The following SS18 variants were observed in gnomAD, a reference collection of about 807,000 sequenced individuals.
The protein encoded by SS18 is protein SSXT.
Under a neutral mutation model 72.5 loss-of-function variants are expected in SS18, and 28 were observed. The observed-to-expected ratio is 0.39, with a 90% CI of 0.29 to 0.53. The LOEUF (loss-of-function observed/expected upper bound fraction) is 0.53, where lower values mean the gene tolerates loss of function less well. SS18 is among the 20% of genes least tolerant of loss of function. SS18 has a pLI of 0.76. For missense variants in SS18, 518 were observed against 535.3 expected, an observed-to-expected ratio of 0.97 and a Z score of 0.32; for synonymous variants, 172 against 164.2, an observed-to-expected ratio of 1.05 and a Z score of -0.37.
At position 26,020,001 on chromosome 18, in the gene SS18, G is replaced by A. The variant is rs1413641785; in HGVS notation, c.1231-1621C>T. The stretch of plus-strand genomic sequence containing the variant: ...ATTGGCAAAATGTTGATAAACTGAT[G>A]AAGTTGGGTGATGGGTACACAGGGG... On this transcript the variant is annotated intron_variant, in intron 10 of 10. Transcript: ENST00000415083. Among the ~76,000 whole-genome samples, 16 of 152,054 alleles carry A rather than the reference G, an allele frequency of 1.1e-4. No individual in the cohort carries two copies. The East Asian group carries it at 3.1e-3, about 29-fold the overall frequency.
At chr18:26,047,259 C>CAAAAAAAAAAAAAA (rs71169806) in intron 5 of SS18, among the ~76,000 whole-genome samples, 62 of 75,520 alleles carry the variant, frequency 8.2e-4, no homozygotes, top group Non-Finnish European at 1.2e-3. Flanking sequence ...AGTAATATGC[C>CAAAAAAAAAAAAAA]AAAAAAAAAA....
At chr18:26,083,886 T>C (rs1268765224) in intron 2 of SS18, among the ~76,000 whole-genome samples, 1 of 152,084 alleles carries the variant, frequency 6.6e-6, no homozygotes, top group African/African-American at 2.4e-5. Context: ...CTCAAATATA[T>C]GCACAAGATT....
At chr18:26,052,308 C>A (rs578262644) in intron 5 of SS18, among the ~76,000 whole-genome samples, 1 of 152,152 alleles carries the variant, frequency 6.6e-6, no homozygotes, top group Non-Finnish European at 1.5e-5. Flanking sequence ...AATGAAGGAG[C>A]AGGTGTTTAT....
intron 10 of SS18, among the ~76,000 whole-genome samples, chr18:26,027,671 T>TAGAA (rs2053471819): frequency 3.7e-5 from 1 of 27,292 alleles, no homozygotes; most frequent in Non-Finnish European, 7.9e-5. Context: ...GAGACTCATC[T>TAGAA]AAAAAAAAAA....
At chr18:26,058,186 T>C (rs1385723983) in intron 3 of SS18, among the ~76,000 whole-genome samples, 1 of 152,192 alleles carries the variant, frequency 6.6e-6, no homozygotes, top group Non-Finnish European at 1.5e-5. Flanking sequence ...GGGTGGAGGA[T>C]AGTGGCAGCA....
rs1045887085 is a variant in SS18 at position 26,083,616 on chromosome 18, T to C, written c.146+3885A>G. Among the ~76,000 whole-genome samples, 3 of 152,176 alleles carry C rather than the reference T, an allele frequency of 2.0e-5. No individual in the cohort carries two copies. In the East Asian group the frequency reaches 5.8e-4, roughly 29 times the overall value. ...GCTGTACTGAACTGAATGGTAAGTA[T>C]TTGTTTATCTACAATTATCCAAATA... On this transcript the variant is annotated intron_variant, in intron 2 of 10. Coordinates refer to ENST00000415083, the MANE Select transcript of SS18 (RefSeq NM_001007559.3).
At position 26,023,270 on chromosome 18, in the gene SS18, T is replaced by C. The variant is rs868598338; in HGVS notation, c.1231-4890A>G. 3.9e-5 allele frequency among the ~76,000 whole-genome samples: 6 copies of C among 152,168 alleles called. No individual in the cohort carries two copies. The South Asian group carries it at 1.2e-3, about 32-fold the overall frequency. ...AAGAATTATATTTGTATTCCATATG[T>C]TCAAAACAATTAAGGACAGACACGG... On this transcript the variant is annotated intron_variant, in intron 10 of 10. Transcript: ENST00000415083.
intron 7 of SS18, 53 bp downstream of exon 7, chr18:26,038,502 A>G (rs1021795560): frequency 7.4e-6 from 11 of 1,482,752 alleles, no homozygotes; most frequent in African/African-American, 2.8e-5. Context: ...AACTCTCTAC[A>G]TTAATATTAG....
At chr18:26,067,703 A>G (rs748747288) in intron 3 of SS18, among the ~76,000 whole-genome samples, 5 of 152,218 alleles carry the variant, frequency 3.3e-5, no homozygotes, top group Non-Finnish European at 7.3e-5. Context: ...GGTAAAGACG[A>G]CGAGCTGCGC....
In SS18 at chr18:26,039,415, T is replaced by A; in HGVS notation, c.649A>T (p.Met217Leu). ...HQQPPSQQYNMPQGGGQHYQG... is the reference protein window; with the variant it reads ...HQQPPSQQYNLPQGGGQHYQG... ...TAATGCTGTCCGCCTCCCTGTGGCA[T>A]ATTGTATTGCTGAGAAGGAGGCTGC... The change falls in exon 6 of 11, where the codon ATG (methionine) becomes TTG (leucine). Residue 217 changes from methionine to leucine, a missense_variant. By Grantham distance (15) the Met-to-Leu change is conservative. Transcript: ENST00000415083. The A allele has an allele frequency of 6.2e-7, 1 of 1,613,808 alleles. No homozygotes were observed. The highest frequency in any genetic ancestry group is 8.5e-7 in the Non-Finnish European group (1 of 1,179,798).
At chr18:26,019,311 G>A (rs529338884) in intron 10 of SS18, among the ~76,000 whole-genome samples, 1 of 152,218 alleles carries the variant, frequency 6.6e-6, no homozygotes, top group Non-Finnish European at 1.5e-5. Context: ...CTCACTGGAA[G>A]CATATAATTA....
At chr18:26,079,592 T>G (rs904653034) in intron 2 of SS18, among the ~76,000 whole-genome samples, 1 of 152,146 alleles carries the variant, frequency 6.6e-6, no homozygotes, top group East Asian at 1.9e-4. Context: ...GTTTTGTTTG[T>G]TTTTTTGAGA....
intron 10 of SS18, chr18:26,023,540 C>A: frequency 4.3e-6 from 2 of 464,678 alleles, no homozygotes; most frequent in East Asian, 4.4e-5. Context: ...TAAATGACAG[C>A]AAATGTCTCC....
chr18:26,066,607 C>T (rs898382196), intron 3 of SS18, among the ~76,000 whole-genome samples: 1 of 150,256 alleles, frequency 6.7e-6, no homozygotes, highest in African/African-American at 2.5e-5. Context: ...TGTGCACACA[C>T]ACACACACAC....
chr18:26,055,834 T>C (rs1350451350), intron 4 of SS18, among the ~76,000 whole-genome samples: 1 of 150,070 alleles, frequency 6.7e-6, no homozygotes, highest in Non-Finnish European at 1.5e-5. Flanking sequence ...TTCGGCTCAC[T>C]GCAACCTCCG....
intron 4 of SS18, among the ~76,000 whole-genome samples, chr18:26,055,860 T>C (rs994807853): frequency 1.3e-5 from 2 of 150,632 alleles, no homozygotes; most frequent in Non-Finnish European, 3.0e-5. Context: ...TGGGTTCAAG[T>C]GATTCTCCTG....
At chr18:26,090,364 T>TG in intron 1 of SS18, 137 bp downstream of exon 1, 1 of 818,746 alleles carries the variant, frequency 1.2e-6, no homozygotes, top group Non-Finnish European at 2.0e-6. Context: ...CAGCAGTCCG[T>TG]GTTCCCAAAC....
At chr18:26,038,703 A>G in intron 6 of SS18, 44 bp from the exon 7 acceptor site, 1 of 1,470,200 alleles carries the variant, frequency 6.8e-7, no homozygotes, top group Non-Finnish European at 9.5e-7. Context: ...TGTGTTCTCT[A>G]TGTCATCAAA....
chr18:26,082,461 T>A (rs2054542116), intron 2 of SS18: 1 of 983,544 alleles, frequency 1.0e-6, no homozygotes, highest in Non-Finnish European at 1.2e-6. Context: ...TAAATTACGA[T>A]GAATGATCGA....
Sources: allele counts gnomAD v4.1 joint callset (sites outside exome capture counted in the v4.1 genomes callset), GRCh38; gene constraint gnomAD v4.1.1; transcripts MANE v1.5; gene names NCBI Gene and HGNC (gene_info 2026-07-23, HGNC 2026-07-21).